MERTK: variants seen among roughly 807,000 people sequenced by gnomAD.
The protein encoded by MERTK is tyrosine-protein kinase Mer.
Under a neutral mutation model 99.3 loss-of-function variants are expected in MERTK, and 69 were observed. The observed-to-expected ratio is 0.70, with a 90% CI of 0.57 to 0.85. The LOEUF is 0.85. Ranked by LOEUF, MERTK falls within the 40% of genes least tolerant of loss-of-function variation. The probability of loss-of-function intolerance (pLI) is 0.00; values close to 1 mark genes in which losing one functional copy is unlikely to be tolerated. For synonymous variants in MERTK, 426 were observed against 467.6 expected, an observed-to-expected ratio of 0.91 and a Z score of 1.15; for missense variants, 1,125 against 1,249.4, an observed-to-expected ratio of 0.90 and a Z score of 1.50.
chr2:111,929,870 G>A (rs1684640002), intron 2 of MERTK, among the ~76,000 whole-genome samples: 1 of 151,986 alleles, frequency 6.6e-6, no homozygotes, highest in African/African-American at 2.4e-5. Context: ...CAAAGTGCTG[G>A]GATTACAGGC....
At chr2:111,943,983 T>C (rs1191166155) in intron 2 of MERTK, among the ~76,000 whole-genome samples, 1 of 151,976 alleles carries the variant, frequency 6.6e-6, no homozygotes, top group Non-Finnish European at 1.5e-5. Context: ...AGAGAACCAC[T>C]GGTGCAGAGT....
chr2:112,025,682 C>T (rs1217758038), intron 18 of MERTK, among the ~76,000 whole-genome samples: 1 of 152,200 alleles, frequency 6.6e-6, no homozygotes, highest in Non-Finnish European at 1.5e-5. Context: ...CCTGTGCAGA[C>T]TTGCAGCCTG....
At chr2:111,997,580 A>T (rs1021986128) in intron 10 of MERTK, 104 bp downstream of exon 10, 44 of 1,359,558 alleles carry the variant, frequency 3.2e-5, no homozygotes, top group Middle Eastern at 2.2e-4. Context: ...TTGCTCCCAG[A>T]TGGCTGCCCT....
In MERTK at chr2:111,933,316, C is replaced by T. The variant is rs901059666; in HGVS notation, c.482+3776C>T. 2.6e-5 allele frequency among the ~76,000 whole-genome samples: 4 copies of T among 152,312 alleles called. No individual in the cohort carries two copies. The South Asian group carries it at 8.3e-4, about 32-fold the overall frequency. Reference sequence around the variant, plus strand: ...GGAAATCTACTGTGGCTCCCAGGAACAGTGAAGAGTTAAAAAATAGTTTTA... The same window carrying T: ...GGAAATCTACTGTGGCTCCCAGGAATAGTGAAGAGTTAAAAAATAGTTTTA... On this transcript the variant is annotated intron_variant, in intron 2 of 18. Coordinates refer to ENST00000295408, the MANE Select transcript of MERTK (RefSeq NM_006343.3).
intron 11 of MERTK, among the ~76,000 whole-genome samples, chr2:112,001,605 T>A (rs4519530): frequency 6.6e-6 from 1 of 151,960 alleles, no homozygotes; most frequent in African/African-American, 2.4e-5. Context: ...TTCTAACTAG[T>A]GAACATAATC....
At chr2:111,901,636 A>G (rs1273469184) in intron 1 of MERTK, among the ~76,000 whole-genome samples, 2 of 150,148 alleles carry the variant, frequency 1.3e-5, no homozygotes, top group Admixed American at 6.6e-5. Context: ...GCTCACTGCA[A>G]CCTCAACCTT....
At chr2:111,936,960 A>G (rs1684775725) in intron 2 of MERTK, among the ~76,000 whole-genome samples, 1 of 152,178 alleles carries the variant, frequency 6.6e-6, no homozygotes, top group Non-Finnish European at 1.5e-5. Context: ...GGCAGCAGCC[A>G]CCAGACCAGA....
chr2:111,940,960 C>G (rs1486936295), intron 2 of MERTK: 1 of 642,630 alleles, frequency 1.6e-6, no homozygotes, highest in African/African-American at 1.8e-5. Flanking sequence ...AGTGAAGTTT[C>G]TAAATTCTGT....
At chr2:111,966,398 A>C (rs1558789514) in intron 5 of MERTK, among the ~76,000 whole-genome samples, 1 of 152,220 alleles carries the variant, frequency 6.6e-6, no homozygotes, top group Non-Finnish European at 1.5e-5. Flanking sequence ...TTACTGGAGG[A>C]AGTGTATAAC....
rs1165510779 is a variant in MERTK at position 112,028,768 on chromosome 2, C to T, written c.2904C>T (p.Ser968=). 7 of 1,614,166 alleles carry T rather than the reference C, an allele frequency of 4.3e-6. No individual in the cohort carries two copies. In the East Asian group the frequency reaches 1.6e-4, roughly 36 times the overall value. The change falls in exon 19 of 19, where the codon TCC becomes TCT. Residue 968 remains serine (S), a synonymous_variant. Transcript: ENST00000295408. ...AGAGACTTGTTAGGAATGGGGTCTC[C>T]TGGTCCCATTCGAGCATGCTGCCCT... ...PGERLVRNGV[S]WSHSSMLPLG...
intron 4 of MERTK, among the ~76,000 whole-genome samples, chr2:111,959,964 TATATC>T (rs1310387615): frequency 2.6e-5 from 4 of 152,190 alleles, no homozygotes; most frequent in Non-Finnish European, 4.4e-5. Context: ...GGCATCATCA[TATATC>T]ATATAGCCTC....
chr2:111,944,058 G>A (rs1005637335), intron 2 of MERTK, among the ~76,000 whole-genome samples: 4 of 152,152 alleles, frequency 2.6e-5, no homozygotes, highest in Non-Finnish European at 5.9e-5. Context: ...TAGCACTTTG[G>A]GAGGCCAAGG....
intron 18 of MERTK, among the ~76,000 whole-genome samples, chr2:112,025,976 T>C (rs1378497429): frequency 6.6e-6 from 1 of 152,204 alleles, no homozygotes; most frequent in Non-Finnish European, 1.5e-5. Flanking sequence ...ATACAGCCCA[T>C]GGCAACCTAT....
chr2:111,930,884 G>GT (rs572968913), intron 2 of MERTK, among the ~76,000 whole-genome samples: 9 of 152,132 alleles, frequency 5.9e-5, no homozygotes, highest in African/African-American at 2.2e-4. Flanking sequence ...TTCTGTTTTT[G>GT]TTTTTTTGCA....
rs551432350 is a variant in MERTK at position 111,991,326 on chromosome 2, C to T, written c.1297-2925C>T. 6.6e-5 allele frequency among the ~76,000 whole-genome samples: 10 copies of T among 152,192 alleles called. No homozygotes were observed. In the South Asian group the frequency reaches 1.9e-3, roughly 28 times the overall value. On this transcript the variant is annotated intron_variant, in intron 8 of 18. Coordinates refer to ENST00000295408, the MANE Select transcript of MERTK (RefSeq NM_006343.3). The stretch of plus-strand genomic sequence containing the variant: ...CTGCATCCTCCGTGTCCTGGGTTAA[C>T]GCTTTTCTCCTGTCTCAGCCACCCG...
intron 1 of MERTK, among the ~76,000 whole-genome samples, chr2:111,903,996 G>A (rs1214241922): frequency 6.6e-6 from 1 of 152,132 alleles, no homozygotes; most frequent in African/African-American, 2.4e-5. Context: ...CCATTGTTCA[G>A]AATGCTTTGG....
intron 3 of MERTK, 78 bp from the exon 4 acceptor site, chr2:111,947,316 T>G (rs1249497917): frequency 1.5e-6 from 2 of 1,372,124 alleles, no homozygotes; most frequent in Non-Finnish European, 2.0e-6. Flanking sequence ...CAAGTTCTAG[T>G]CCAGTTTCCA....
chr2:111,990,199 G>T (rs575408302), intron 8 of MERTK, among the ~76,000 whole-genome samples: 45 of 152,014 alleles, frequency 3.0e-4, no homozygotes, highest in African/African-American at 1.1e-3. Context: ...AAAACAGTAT[G>T]GATAAATTAC....
In MERTK at chr2:111,936,176, A is replaced by G. The variant is rs371106711; in HGVS notation, c.482+6636A>G. ...CATGATCTGCCCGCCTCGGCCTCCC[A>G]AAGTGCTGGTATTATAGGCATGAGC... On this transcript the variant is annotated intron_variant, in intron 2 of 18. Coordinates refer to ENST00000295408, the MANE Select transcript of MERTK (RefSeq NM_006343.3). Among the ~76,000 whole-genome samples, 4 of 152,276 alleles carry G rather than the reference A, an allele frequency of 2.6e-5. No individual in the cohort carries two copies. In the East Asian group the frequency reaches 5.8e-4, roughly 22 times the overall value.
Sources: gnomAD v4.1 joint callset for allele counts (sites outside exome capture counted in the v4.1 genomes callset) on GRCh38, gnomAD v4.1.1 for gene constraint, MANE v1.5 for transcripts, NCBI Gene and HGNC (gene_info 2026-07-23, HGNC 2026-07-21) for gene names.